SLC41A2: variants seen among roughly 807,000 people sequenced by gnomAD.
SLC41A2 encodes SLC41A1-like 1.
In SLC41A2, 32 loss-of-function variants were observed where a neutral mutation model predicts 58.3. The ratio of observed to expected loss-of-function variants is 0.55; its 90% confidence interval spans 0.41 to 0.74. The LOEUF (loss-of-function observed/expected upper bound fraction) is 0.74, where lower values mean the gene tolerates loss of function less well. Among genes scored for constraint, SLC41A2 ranks in the 30% least tolerant of loss-of-function variants. SLC41A2 has a pLI of 0.00. For missense variants in SLC41A2, 514 were observed against 680.6 expected (o/e 0.76, Z 2.72); for synonymous variants, 190 against 235.0 (o/e 0.81, Z 1.75).
At chr12:104,914,758 T>C (rs1428422374) in intron 2 of SLC41A2, among the ~76,000 whole-genome samples, 1 of 152,246 alleles carries the variant, frequency 6.6e-6, no homozygotes, top group Non-Finnish European at 1.5e-5. Context: ...GGCAAAATTA[T>C]GCTTTACTTT....
chr12:104,936,045 A>C (rs2047257136), intron 1 of SLC41A2, among the ~76,000 whole-genome samples: 1 of 151,826 alleles, frequency 6.6e-6, no homozygotes, highest in Admixed American at 6.6e-5. Context: ...TGTCTTAAAA[A>C]AAAAAAAAAA....
intron 4 of SLC41A2, 77 bp from the exon 5 acceptor site, chr12:104,889,254 AC>A (rs1340146126): frequency 6.3e-6 from 9 of 1,434,148 alleles, no homozygotes; most frequent in Non-Finnish European, 8.5e-6. Context: ...TGTAAATATT[AC>A]TACAAAAAGT....
intron 10 of SLC41A2, among the ~76,000 whole-genome samples, chr12:104,820,818 T>C (rs1051748865): frequency 6.6e-6 from 1 of 152,104 alleles, no homozygotes; most frequent in Non-Finnish European, 1.5e-5. Context: ...AATTTTTTCG[T>C]ATTTTTAGTT....
chr12:104,942,868 C>T (rs114333321), intron 1 of SLC41A2, among the ~76,000 whole-genome samples: 2,887 of 152,218 alleles, frequency 0.019, 31 homozygotes, highest in African/African-American at 0.036. Flanking sequence ...ATAATGAGTT[C>T]CCTGGCACTT....
At chr12:104,808,439 C>T (rs2041022617) in intron 10 of SLC41A2, among the ~76,000 whole-genome samples, 1 of 152,136 alleles carries the variant, frequency 6.6e-6, no homozygotes, top group African/African-American at 2.4e-5. Context: ...GGTGGATAAG[C>T]TTTTTGATGT....
chr12:104,822,824 G>A (rs1020948955), intron 10 of SLC41A2, among the ~76,000 whole-genome samples: 3 of 151,948 alleles, frequency 2.0e-5, no homozygotes, highest in African/African-American at 7.2e-5. Context: ...AAAATCAGAA[G>A]TATAGCTCTG....
At chr12:104,810,857 T>C (rs796913008) in intron 10 of SLC41A2, among the ~76,000 whole-genome samples, 11 of 152,264 alleles carry the variant, frequency 7.2e-5, no homozygotes, top group African/African-American at 1.9e-4. Flanking sequence ...GGAGTCAGGC[T>C]CAAATTCACA....
At chr12:104,842,237 G>A (rs1323057860) in intron 10 of SLC41A2, among the ~76,000 whole-genome samples, 2 of 152,020 alleles carry the variant, frequency 1.3e-5, no homozygotes, top group African/African-American at 4.8e-5. Context: ...GTGTGTGCAT[G>A]TGCTTATGTG....
intron 1 of SLC41A2, among the ~76,000 whole-genome samples, chr12:104,929,306 G>A (rs958469518): frequency 5.3e-5 from 8 of 152,116 alleles, no homozygotes; most frequent in Non-Finnish European, 1.0e-4. Flanking sequence ...AGATATAAAA[G>A]CTCATTATAA....
At chr12:104,832,981 T>TATG (rs754948409) in intron 10 of SLC41A2, among the ~76,000 whole-genome samples, 2 of 152,174 alleles carry the variant, frequency 1.3e-5, no homozygotes, top group Non-Finnish European at 2.9e-5. Context: ...ATAAAAAGAA[T>TATG]ATGAAATCAT....
chr12:104,929,188 G>T (rs2046964001), intron 1 of SLC41A2, among the ~76,000 whole-genome samples: 1 of 152,022 alleles, frequency 6.6e-6, no homozygotes, highest in African/African-American at 2.4e-5. Flanking sequence ...AAGATATGAA[G>T]AGACAAGGAT....
chr12:104,939,088 A>G (rs2047399207), intron 1 of SLC41A2, among the ~76,000 whole-genome samples: 1 of 152,342 alleles, frequency 6.6e-6, no homozygotes, highest in Admixed American at 6.5e-5. Flanking sequence ...GGAAAAGTTC[A>G]TTTCATGTTT....
At chr12:104,844,394 T>C (rs2042527966) in intron 10 of SLC41A2, 78 bp downstream of exon 10, 3 of 949,194 alleles carry the variant, frequency 3.2e-6, no homozygotes, top group South Asian at 3.7e-5. Context: ...AAATGTGTCA[T>C]GTGTTTTTAT....
intron 6 of SLC41A2, among the ~76,000 whole-genome samples, chr12:104,885,014 AATAAC>A (rs773365780): frequency 4.6e-5 from 7 of 152,198 alleles, no homozygotes; most frequent in African/African-American, 7.2e-5. Context: ...TTATCCCTTT[AATAAC>A]ATAACCCACT....
At chr12:104,891,577 T>C (rs570512866) in intron 4 of SLC41A2, among the ~76,000 whole-genome samples, 1 of 151,008 alleles carries the variant, frequency 6.6e-6, no homozygotes, top group South Asian at 2.1e-4. Flanking sequence ...CCTGCATAGA[T>C]TTCTACAATT....
intron 10 of SLC41A2, among the ~76,000 whole-genome samples, chr12:104,818,024 AT>A (rs1295121255): frequency 6.6e-6 from 1 of 152,244 alleles, no homozygotes; most frequent in African/African-American, 2.4e-5. Context: ...AGGAATGGAT[AT>A]GTTAATTAGC....
At chr12:104,949,741 G>A (rs943309119) in intron 1 of SLC41A2, among the ~76,000 whole-genome samples, 2 of 152,010 alleles carry the variant, frequency 1.3e-5, no homozygotes, top group African/African-American at 2.4e-5. Flanking sequence ...GTGCCACCAC[G>A]CCCGGCTAAT....
chr12:104,818,090 A>G (rs1270734379), intron 10 of SLC41A2, among the ~76,000 whole-genome samples: 1 of 152,228 alleles, frequency 6.6e-6, no homozygotes, highest in Non-Finnish European at 1.5e-5. Context: ...GTTGTATACT[A>G]TAAATATATA....
intron 2 of SLC41A2, among the ~76,000 whole-genome samples, chr12:104,925,494 T>C (rs1186907605): frequency 6.6e-6 from 1 of 151,964 alleles, no homozygotes; most frequent in African/African-American, 2.4e-5. Flanking sequence ...GGAGGCGGAG[T>C]TTGCAGTGAG....
Sources: allele counts gnomAD v4.1 joint callset (sites outside exome capture counted in the v4.1 genomes callset), GRCh38; gene constraint gnomAD v4.1.1; transcripts MANE v1.5; gene names NCBI Gene and HGNC (gene_info 2026-07-23, HGNC 2026-07-21).